Variants in FRMD5 observed in about 807,000 individuals in gnomAD.
FRMD5 encodes the protein FERM domain containing 5.
In FRMD5, 20 loss-of-function variants were observed where a neutral mutation model predicts 69.0. That is an observed-to-expected ratio of 0.29 (90% CI 0.20 to 0.42). The LOEUF is 0.42. Among genes scored for constraint, FRMD5 ranks in the 10% least tolerant of loss-of-function variants. FRMD5 has a pLI of 1.00. For synonymous variants in FRMD5, 271 were observed against 260.1 expected, an observed-to-expected ratio of 1.04 and a Z score of -0.40; for missense variants, 595 against 708.6, an observed-to-expected ratio of 0.84 and a Z score of 1.82.
At chr15:44,123,997 T>G (rs2076991247) in intron 1 of FRMD5, among the ~76,000 whole-genome samples, 1 of 152,110 alleles carries the variant, frequency 6.6e-6, no homozygotes, top group Non-Finnish European at 1.5e-5. Flanking sequence ...TTGTTTTGTT[T>G]TTTTGTTTTT....
chr15:44,066,469 T>C (rs1893315230), intron 1 of FRMD5, among the ~76,000 whole-genome samples: 1 of 152,150 alleles, frequency 6.6e-6, no homozygotes, highest in African/African-American at 2.4e-5. Flanking sequence ...CATTTAAATT[T>C]TACACAGAAT....
chr15:44,123,058 T>C (rs1161669860), intron 1 of FRMD5, among the ~76,000 whole-genome samples: 2 of 152,134 alleles, frequency 1.3e-5, no homozygotes, highest in Non-Finnish European at 2.9e-5. Context: ...CAAAATGATA[T>C]GGCAGGCCTG....
chr15:44,147,921 A>G (rs2077381115), intron 1 of FRMD5, among the ~76,000 whole-genome samples: 1 of 152,198 alleles, frequency 6.6e-6, no homozygotes, highest in African/African-American at 2.4e-5. Flanking sequence ...TGGGCAAAAA[A>G]AGACTTTGTC....
In FRMD5 at chr15:43,977,191, A is replaced by T. The variant is rs148265092; in HGVS notation, c.103-52882T>A. ...GGAAGTGCTAGCAGGTTGGAACTGCAGGGGGCTGGGGAAGGATGTGGTAAG... is the reference window on the plus strand; with the variant it reads ...GGAAGTGCTAGCAGGTTGGAACTGCTGGGGGCTGGGGAAGGATGTGGTAAG... On this transcript the variant is annotated intron_variant, in intron 1 of 13. Coordinates refer to ENST00000417257, the MANE Select transcript of FRMD5 (RefSeq NM_032892.5). Among the ~76,000 whole-genome samples the T allele has an allele frequency of 2.6e-5, 4 of 151,936 alleles. No individual in the cohort carries two copies. The East Asian group carries it at 7.7e-4, about 29-fold the overall frequency.
intron 1 of FRMD5, chr15:43,990,126 C>A (rs1350425871): frequency 4.7e-6 from 3 of 632,170 alleles, no homozygotes; most frequent in Non-Finnish European, 9.0e-6. Flanking sequence ...ACCTGCAAAG[C>A]TGGCCTTGCA....
intron 1 of FRMD5, among the ~76,000 whole-genome samples, chr15:44,134,392 A>G (rs2042739): frequency 0.82 from 124,715 of 152,214 alleles, 53,638 homozygotes; most frequent in Non-Finnish European, 0.94. Context: ...AGTGAGGAGA[A>G]TAAGGGTGTG....
chr15:44,122,831 C>T (rs1244333464), intron 1 of FRMD5, among the ~76,000 whole-genome samples: 1 of 151,894 alleles, frequency 6.6e-6, no homozygotes, highest in Admixed American at 6.6e-5. Flanking sequence ...GCAGAGCTTG[C>T]AGTGAGCTGA....
At chr15:44,161,425 T>C (rs2077614925) in intron 1 of FRMD5, among the ~76,000 whole-genome samples, 1 of 152,196 alleles carries the variant, frequency 6.6e-6, no homozygotes, top group Non-Finnish European at 1.5e-5. Context: ...CATTAAATAA[T>C]TGCTGAGAAG....
chr15:44,080,948 C>T (rs986514521), intron 1 of FRMD5, among the ~76,000 whole-genome samples: 1 of 152,018 alleles, frequency 6.6e-6, no homozygotes, highest in Non-Finnish European at 1.5e-5. Flanking sequence ...ATTTCAGTCT[C>T]CATTTTACTA....
At chr15:44,156,900 CAA>C (rs985524245) in intron 1 of FRMD5, among the ~76,000 whole-genome samples, 2 of 151,786 alleles carry the variant, frequency 1.3e-5, no homozygotes, top group African/African-American at 4.8e-5. Flanking sequence ...GATTTTGTCC[CAA>C]AATATATATA....
intron 1 of FRMD5, among the ~76,000 whole-genome samples, chr15:44,014,913 T>G (rs1890888411): frequency 1.3e-5 from 2 of 152,174 alleles, no homozygotes; most frequent in Admixed American, 1.3e-4. Context: ...TTAGTTAACT[T>G]TTAAAACTAT....
At chr15:43,888,670 TACCTCCAGGTCCTG>T (rs1343456063) in intron 9 of FRMD5, 125 bp downstream of exon 9, 1 of 698,878 alleles carries the variant, frequency 1.4e-6, no homozygotes, top group African/African-American at 1.8e-5. Context: ...CTTCATATTG[TACCTCCAGGTCCTG>T]ACCTTGGTCT....
At chr15:43,937,839 TA>T (rs1306826937) in intron 1 of FRMD5, among the ~76,000 whole-genome samples, 1 of 152,136 alleles carries the variant, frequency 6.6e-6, no homozygotes, top group East Asian at 1.9e-4. Flanking sequence ...AAGTCTTTTA[TA>T]AGCTTGTCTC....
At chr15:43,989,302 G>T in intron 1 of FRMD5, 1 of 785,348 alleles carries the variant, frequency 1.3e-6, no homozygotes, top group Non-Finnish European at 2.3e-6. Flanking sequence ...CACTGTGTTG[G>T]CATACGGGTC....
chr15:43,969,559 T>C (rs1338133045), intron 1 of FRMD5, among the ~76,000 whole-genome samples: 1 of 152,220 alleles, frequency 6.6e-6, no homozygotes, highest in African/African-American at 2.4e-5. Context: ...GTGGAACTTC[T>C]TCATATAAAT....
chr15:43,998,887 A>G (rs2140163689), intron 1 of FRMD5, among the ~76,000 whole-genome samples: 1 of 152,248 alleles, frequency 6.6e-6, no homozygotes, highest in Middle Eastern at 3.4e-3. Context: ...TACCATGCAA[A>G]ATGACGTCAC....
chr15:44,074,016 C>T (rs1186746311), intron 1 of FRMD5, among the ~76,000 whole-genome samples: 1 of 152,114 alleles, frequency 6.6e-6, no homozygotes, highest in Admixed American at 6.6e-5. Context: ...GAACTTAAGG[C>T]CTCATTCTAG....
chr15:44,130,832 TA>T (rs1464325588), intron 1 of FRMD5, among the ~76,000 whole-genome samples: 1 of 152,158 alleles, frequency 6.6e-6, no homozygotes, highest in Non-Finnish European at 1.5e-5. Flanking sequence ...GAAGCCAGCT[TA>T]GCATAAACTA....
intron 1 of FRMD5, among the ~76,000 whole-genome samples, chr15:44,086,812 C>A (rs1240654254): frequency 1.3e-5 from 2 of 151,974 alleles, no homozygotes; most frequent in African/African-American, 4.8e-5. Context: ...GGGTGAGGGA[C>A]AAAGATTAGT....
Sources: allele counts gnomAD v4.1 joint callset (sites outside exome capture counted in the v4.1 genomes callset), GRCh38; gene constraint gnomAD v4.1.1; transcripts MANE v1.5; gene names NCBI Gene and HGNC (gene_info 2026-07-23, HGNC 2026-07-21).